Variants in KIZ observed in about 807,000 individuals in gnomAD.
KIZ encodes centrosomal protein kizuna.
Under a neutral mutation model 79.6 loss-of-function variants are expected in KIZ, and 68 were observed. That is an observed-to-expected ratio of 0.85 (90% CI 0.70 to 1.05). The LOEUF is 1.05. Ranked by LOEUF, KIZ falls within the 50% of genes least tolerant of loss-of-function variation. The probability of loss-of-function intolerance (pLI) is 0.00; values close to 1 mark genes in which losing one functional copy is unlikely to be tolerated. For missense variants in KIZ, 797 were observed against 800.4 expected, an observed-to-expected ratio of 1.00 and a Z score of 0.05; for synonymous variants, 280 against 281.8, an observed-to-expected ratio of 0.99 and a Z score of 0.06.
chr20:21,218,559 G>A (rs1183064210), intron 9 of KIZ: 2 of 152,146 alleles, frequency 1.3e-5, no homozygotes, highest in Non-Finnish European at 1.5e-5. Flanking sequence ...TGAAGACTTG[G>A]AAAAGACTTT....
intron 6 of KIZ, among the ~76,000 whole-genome samples, chr20:21,200,583 C>A (rs1022231015): frequency 2.0e-5 from 3 of 151,736 alleles, no homozygotes; most frequent in African/African-American, 7.3e-5. Context: ...AACCTAGCTC[C>A]CTTGCATGCA....
At chr20:21,240,938 G>A (rs2037196632) in intron 11 of KIZ, among the ~76,000 whole-genome samples, 1 of 152,192 alleles carries the variant, frequency 6.6e-6, no homozygotes, top group African/African-American at 2.4e-5. Flanking sequence ...CACAAAGCCT[G>A]AACTATTTAC....
At chr20:21,154,940 G>A (rs1322947492) in intron 4 of KIZ, among the ~76,000 whole-genome samples, 1 of 152,222 alleles carries the variant, frequency 6.6e-6, no homozygotes, top group Non-Finnish European at 1.5e-5. Context: ...ACATTTCACT[G>A]GAGCCAGTAT....
At chr20:21,213,626 G>T (rs1389655040) in intron 7 of KIZ, 1 of 152,174 alleles carries the variant, frequency 6.6e-6, no homozygotes, top group Admixed American at 6.5e-5. Context: ...CATACACTCT[G>T]GCAGCGGGAT....
intron 3 of KIZ, among the ~76,000 whole-genome samples, chr20:21,144,377 A>G (rs1035464795): frequency 6.6e-6 from 1 of 152,198 alleles, no homozygotes. Flanking sequence ...TCTGTAAAGG[A>G]TGCCTGTTTA....
chr20:21,156,360 T>C (rs2122617831), intron 4 of KIZ, among the ~76,000 whole-genome samples: 1 of 152,334 alleles, frequency 6.6e-6, no homozygotes, highest in East Asian at 1.9e-4. Flanking sequence ...TTCAATATAA[T>C]GTTTATAGAA....
At chr20:21,206,072 T>C (rs1481822667) in intron 7 of KIZ, among the ~76,000 whole-genome samples, 2 of 152,248 alleles carry the variant, frequency 1.3e-5, no homozygotes, top group Non-Finnish European at 2.9e-5. Context: ...TTTAACTTTC[T>C]GACCTTGGGC....
At chr20:21,136,767 C>T (rs535306217) in intron 3 of KIZ, among the ~76,000 whole-genome samples, 37 of 151,942 alleles carry the variant, frequency 2.4e-4, no homozygotes, top group Non-Finnish European at 5.4e-4. Context: ...AGATGCACAC[C>T]CCAGGTTTAT....
chr20:21,131,397 T>A (rs1190962031), intron 1 of KIZ, among the ~76,000 whole-genome samples: 1 of 152,192 alleles, frequency 6.6e-6, no homozygotes, highest in Non-Finnish European at 1.5e-5. Context: ...CCTCCAAATT[T>A]GAAATGATGG....
chr20:21,149,724 C>G (rs1026537328), intron 4 of KIZ, among the ~76,000 whole-genome samples: 2 of 152,170 alleles, frequency 1.3e-5, no homozygotes, highest in Non-Finnish European at 2.9e-5. Context: ...TTCATAAGAC[C>G]AAGGCAGCCA....
At chr20:21,132,006 A>C (rs2031878337) in intron 1 of KIZ, 91 bp from the exon 2 acceptor site, 1 of 665,648 alleles carries the variant, frequency 1.5e-6, no homozygotes, top group Admixed American at 2.9e-5. Flanking sequence ...AACACCTTGC[A>C]ACAAAGCCAT....
intron 11 of KIZ, among the ~76,000 whole-genome samples, chr20:21,235,460 G>A (rs774923667): frequency 3.9e-4 from 60 of 152,250 alleles, no homozygotes; most frequent in Middle Eastern, 3.4e-3. Context: ...CATAATGTAC[G>A]AAGGAGTGAG....
chr20:21,176,296 T>G (rs1451926981), intron 6 of KIZ, among the ~76,000 whole-genome samples: 1 of 151,748 alleles, frequency 6.6e-6, no homozygotes, highest in Non-Finnish European at 1.5e-5. Flanking sequence ...AGTGAGAGAG[T>G]GAGACTCTGT....
chr20:21,213,569 C>T (rs2036161400), intron 7 of KIZ: 1 of 152,206 alleles, frequency 6.6e-6, no homozygotes, highest in Non-Finnish European at 1.5e-5. Flanking sequence ...GGTTTCCTCT[C>T]CAGCTACCTA....
chr20:21,186,735 A>G (rs2034889416), intron 6 of KIZ, among the ~76,000 whole-genome samples: 1 of 151,990 alleles, frequency 6.6e-6, no homozygotes, highest in Non-Finnish European at 1.5e-5. Context: ...CAGTAAAGAA[A>G]ACAAACTCAA....
intron 6 of KIZ, among the ~76,000 whole-genome samples, chr20:21,164,125 C>T (rs1288647617): frequency 6.6e-6 from 1 of 152,188 alleles, no homozygotes; most frequent in Non-Finnish European, 1.5e-5. Flanking sequence ...TGCTGGTCAC[C>T]CTTTCATTTC....
chr20:21,210,473 C>T (rs1178813392), intron 7 of KIZ, among the ~76,000 whole-genome samples: 1 of 152,054 alleles, frequency 6.6e-6, no homozygotes, highest in East Asian at 1.9e-4. Context: ...ACAGAGGTCC[C>T]CTGTCCACTG....
At chr20:21,160,448 T>G (rs1209616779) in intron 4 of KIZ, among the ~76,000 whole-genome samples, 1 of 152,136 alleles carries the variant, frequency 6.6e-6, no homozygotes, top group African/African-American at 2.4e-5. Context: ...CAACCCCTGC[T>G]TCTACCATGT....
intron 7 of KIZ, 34 bp from the exon 8 acceptor site, chr20:21,214,501 T>G: frequency 6.4e-7 from 1 of 1,558,074 alleles, no homozygotes; most frequent in Non-Finnish European, 8.8e-7. Flanking sequence ...ACAGTTTGTT[T>G]TTATTTCTTT....
Sources: gnomAD v4.1 joint callset for allele counts (sites outside exome capture counted in the v4.1 genomes callset) on GRCh38, gnomAD v4.1.1 for gene constraint, MANE v1.5 for transcripts, NCBI Gene and HGNC (gene_info 2026-07-23, HGNC 2026-07-21) for gene names.